HACD4: variants seen among roughly 807,000 people sequenced by gnomAD.
The protein encoded by HACD4 is very-long-chain (3R)-3-hydroxyacyl-CoA dehydratase 4.
In HACD4, 35 loss-of-function variants were observed where a neutral mutation model predicts 33.3. The ratio of observed to expected loss-of-function variants is 1.05; its 90% confidence interval spans 0.80 to 1.39. HACD4 has a LOEUF of 1.39. Ranked by LOEUF, HACD4 falls within the 40% of genes most tolerant of loss-of-function variation. HACD4 has a pLI of 0.00. For missense variants in HACD4, 323 were observed against 276.5 expected (o/e 1.17, Z -1.19); for synonymous variants, 118 against 98.0 (o/e 1.20, Z -1.21).
At position 21,011,588 on chromosome 9, in the gene HACD4, C is replaced by A; in HGVS notation, c.490+1G>T. The A allele has an allele frequency of 6.3e-7, 1 of 1,581,638 alleles. No individual in the cohort carries two copies. The highest frequency in any genetic ancestry group is 8.7e-7 in the Non-Finnish European group (1 of 1,151,176). On this transcript the variant is annotated splice_donor_variant, in intron 5 of 6. Coordinates refer to ENST00000495827, the MANE Select transcript of HACD4 (RefSeq NM_001010915.5). LOFTEE classifies it high-confidence loss of function. ...AATACAGCAAGTCACTCTTTTCTTA[C>A]CTTCAGCAAGAACACACAAAGGATA... is the stretch of plus-strand genomic sequence containing the variant.
At chr9:21,019,162 G>T (rs1025554056) in intron 3 of HACD4, among the ~76,000 whole-genome samples, 1 of 151,942 alleles carries the variant, frequency 6.6e-6, no homozygotes, top group Admixed American at 6.6e-5. Flanking sequence ...TAATTATTGA[G>T]TGCACTGTTC....
chr9:21,012,242 C>A (rs929655240), intron 4 of HACD4, among the ~76,000 whole-genome samples: 3 of 152,136 alleles, frequency 2.0e-5, no homozygotes, highest in African/African-American at 7.2e-5. Flanking sequence ...TGTTTTATTT[C>A]TTTGAATAGG....
intron 6 of HACD4, among the ~76,000 whole-genome samples, chr9:21,007,688 A>C (rs1328671348): frequency 6.6e-6 from 1 of 152,206 alleles, no homozygotes; most frequent in Admixed American, 6.5e-5. Context: ...GAAACATCAG[A>C]AATAGCCAAT....
chr9:21,008,716 T>TA (rs796506095), intron 5 of HACD4, among the ~76,000 whole-genome samples: 13 of 151,624 alleles, frequency 8.6e-5, no homozygotes, highest in African/African-American at 1.9e-4. Flanking sequence ...TGGTATCAGG[T>TA]AAAAAAAAGA....
At chr9:21,023,265 A>G (rs1216973953) in intron 3 of HACD4, among the ~76,000 whole-genome samples, 2 of 151,990 alleles carry the variant, frequency 1.3e-5, no homozygotes, top group South Asian at 2.1e-4. Context: ...TATACCTAAT[A>G]TAAATGACGA....
intron 6 of HACD4, 133 bp downstream of exon 6, chr9:21,007,888 A>C (rs1842308200): frequency 1.5e-6 from 1 of 686,102 alleles, no homozygotes; most frequent in African/African-American, 1.9e-5. Flanking sequence ...TTTACTAGCA[A>C]GATCTAGTTC....
At chr9:21,007,930 A>G (rs1452202178) in intron 6 of HACD4, 91 bp downstream of exon 6, 2 of 1,208,368 alleles carry the variant, frequency 1.7e-6, no homozygotes, top group African/African-American at 1.6e-5. Flanking sequence ...GGTCTCTCCC[A>G]TGTTTACCAA....
intron 3 of HACD4, among the ~76,000 whole-genome samples, chr9:21,018,218 C>T (rs1338426900): frequency 3.9e-5 from 6 of 152,094 alleles, no homozygotes; most frequent in African/African-American, 1.2e-4. Context: ...TATTGTTTAC[C>T]TTGTGCCAGG....
chr9:21,031,430 G>A (rs897438679), intron 1 of HACD4, 123 bp downstream of exon 1: 11 of 1,334,226 alleles, frequency 8.2e-6, no homozygotes, highest in South Asian at 1.9e-5. Flanking sequence ...GCCTGGGCAC[G>A]GTAGCGCTGC....
At chr9:21,029,528 T>C in intron 1 of HACD4, 130 bp from the exon 2 acceptor site, 1 of 529,822 alleles carries the variant, frequency 1.9e-6, no homozygotes, top group South Asian at 3.1e-5. Context: ...GTCTTTTATC[T>C]GGTTACCCCC....
Position 21,011,654 on chromosome 9 carries a change from G to C in HACD4, c.425C>G (p.Ala142Gly). The change falls in exon 5 of 7, where the codon GCT becomes GGT. Residue 142 changes from alanine to glycine, a missense_variant. Transcript: ENST00000495827. ...SMLSVIGISY[A>G]VLTWLSQTLW... ...TGTTTGACTGAGCCATGTCAAGACA[G>C]CATAGGATATTCCTATGACTGATAA... 13 of 1,610,334 alleles carry C rather than the reference G, an allele frequency of 8.1e-6. No homozygotes were observed. Among genetic ancestry groups the C allele is most frequent in the Non-Finnish European group, 1.1e-5 (13 of 1,176,990 alleles).
At chr9:21,024,562 C>T (rs1422724756) in intron 3 of HACD4, among the ~76,000 whole-genome samples, 2 of 152,146 alleles carry the variant, frequency 1.3e-5, no homozygotes, top group Admixed American at 1.3e-4. Flanking sequence ...TGGAATTCCT[C>T]CAAGAAATCA....
chr9:21,002,465 C>CA lies in HACD4; in HGVS notation c.*4571dup, dbSNP rs2132759245. ...AGTGAAATAAGCCAATTACGAAAGA[C>CA]AGATACTGTATGATTACATTTATAT... On this transcript the variant is annotated 3_prime_UTR_variant, in exon 7 of 7. Transcript: ENST00000495827. The CA allele has an allele frequency of 6.6e-6, 1 of 152,190 alleles. No homozygotes were observed. Among genetic ancestry groups the CA allele is most frequent in the African/African-American group, 2.4e-5 (1 of 41,524 alleles). 9.4% of individuals were successfully genotyped at this position (152,190 alleles called of 1,614,324 possible). A position where few individuals can be genotyped will look rare whatever the true frequency, so the allele number is the denominator to read the frequency against.
chr9:21,015,623 C>T, intron 4 of HACD4: 1 of 267,260 alleles, frequency 3.7e-6, no homozygotes, highest in Non-Finnish European at 7.0e-6. Context: ...TGTTAGGAAA[C>T]AGCTGAGGGT....
At chr9:21,029,163 A>T (rs1818140243) in intron 2 of HACD4, 132 bp downstream of exon 2, 2 of 585,288 alleles carry the variant, frequency 3.4e-6, no homozygotes, top group Non-Finnish European at 6.1e-6. Flanking sequence ...TGCAATAAAC[A>T]TGGTTGCTAA....
chr9:21,008,358 T>C (rs1453181013), intron 5 of HACD4, among the ~76,000 whole-genome samples: 1 of 152,198 alleles, frequency 6.6e-6, no homozygotes, highest in East Asian at 1.9e-4. Flanking sequence ...TGTTGAATGT[T>C]TGTCCATGGT....
rs1216123388 is a variant in HACD4 at position 21,002,822 on chromosome 9, C to G, written c.*4215G>C. ...GTTACTTAGATTTGAGAAAGTAAGC[C>G]TTTGTCTACACTGTACAAAATGAAA... is the stretch of plus-strand genomic sequence containing the variant. On this transcript the variant is annotated 3_prime_UTR_variant, in exon 7 of 7. Coordinates refer to ENST00000495827, the MANE Select transcript of HACD4 (RefSeq NM_001010915.5). 6.6e-6 allele frequency: 1 copy of G among 152,048 alleles called. No individual in the cohort carries two copies. The highest frequency in any genetic ancestry group is 1.5e-5 in the Non-Finnish European group (1 of 67,954). The allele number at this position is 152,048 out of a possible 1,614,324, so 9.4% of individuals were successfully genotyped here.
chr9:21,011,778 G>T, intron 4 of HACD4, 83 bp from the exon 5 acceptor site: 1 of 690,212 alleles, frequency 1.4e-6, no homozygotes. Context: ...ATTAAATACA[G>T]AGATACAACT....
intron 3 of HACD4, among the ~76,000 whole-genome samples, chr9:21,016,652 G>T (rs1842562423): frequency 6.6e-6 from 1 of 152,108 alleles, no homozygotes; most frequent in Non-Finnish European, 1.5e-5. Flanking sequence ...ACCACTGGGG[G>T]GCTAGAGGGG....
Sources: gnomAD v4.1 joint callset for allele counts (sites outside exome capture counted in the v4.1 genomes callset) on GRCh38, gnomAD v4.1.1 for gene constraint, MANE v1.5 for transcripts, NCBI Gene and HGNC (gene_info 2026-07-23, HGNC 2026-07-21) for gene names.